Variants in UBE2Q2 observed in about 807,000 individuals in gnomAD.
UBE2Q2 encodes the protein ubiquitin-conjugating enzyme E2 Q2.
In UBE2Q2, 54 loss-of-function variants were observed where a neutral mutation model predicts 59.9. That is an observed-to-expected ratio of 0.90 (90% confidence interval 0.72 to 1.13). The LOEUF (loss-of-function observed/expected upper bound fraction) is 1.13, where lower values mean the gene tolerates loss of function less well. Among genes scored for constraint, UBE2Q2 ranks in the 50% most tolerant of loss-of-function variants. The pLI, the probability that UBE2Q2 is intolerant of heterozygous loss-of-function variation, is 0.00. For missense variants in UBE2Q2, 433 were observed against 441.9 expected (o/e 0.98, Z 0.18); for synonymous variants, 165 against 155.2 (o/e 1.06, Z -0.47).
chr15:75,848,701 A>G (rs1896486571), intron 1 of UBE2Q2, among the ~76,000 whole-genome samples: 1 of 151,926 alleles, frequency 6.6e-6, no homozygotes, highest in Admixed American at 6.6e-5. Context: ...TTAGACCTGG[A>G]AAAGGGTAGT....
intron 3 of UBE2Q2, among the ~76,000 whole-genome samples, chr15:75,863,390 A>G (rs1295646187): frequency 6.6e-6 from 1 of 151,874 alleles, no homozygotes; most frequent in East Asian, 1.9e-4. Context: ...GACAAAGAGC[A>G]GATGGGAGAA....
intron 2 of UBE2Q2, among the ~76,000 whole-genome samples, chr15:75,857,184 G>A (rs1335695134): frequency 6.6e-6 from 1 of 152,174 alleles, no homozygotes; most frequent in African/African-American, 2.4e-5. Context: ...AAAATTAAAA[G>A]CTAGATGGAC....
chr15:75,879,785 TAGG>T (rs899077716), intron 8 of UBE2Q2, among the ~76,000 whole-genome samples: 6 of 151,860 alleles, frequency 4.0e-5, no homozygotes, highest in African/African-American at 7.3e-5. Flanking sequence ...AAAGGCTTCT[TAGG>T]GGGGCAAAAA....
intron 1 of UBE2Q2, among the ~76,000 whole-genome samples, chr15:75,845,529 T>TG (rs1247849928): frequency 6.6e-6 from 1 of 152,162 alleles, no homozygotes; most frequent in Non-Finnish European, 1.5e-5. Context: ...CTGGTTTGAA[T>TG]GATAGGAGAC....
At chr15:75,854,927 GA>G (rs1896824078) in intron 2 of UBE2Q2, among the ~76,000 whole-genome samples, 1 of 148,852 alleles carries the variant, frequency 6.7e-6, no homozygotes, top group Admixed American at 6.8e-5. Context: ...AGTATATAAA[GA>G]AATATAACTT....
chr15:75,889,622 C>G (rs1039336656), intron 9 of UBE2Q2, among the ~76,000 whole-genome samples: 1 of 152,180 alleles, frequency 6.6e-6, no homozygotes, highest in Admixed American at 6.5e-5. Context: ...GAGGACAGAA[C>G]AATTTGTGGT....
At chr15:75,893,652 A>G (rs934938136) in intron 11 of UBE2Q2, among the ~76,000 whole-genome samples, 1 of 152,220 alleles carries the variant, frequency 6.6e-6, no homozygotes, top group East Asian at 1.9e-4. Flanking sequence ...TATATGGACT[A>G]TGGGAGAAAA....
intron 9 of UBE2Q2, among the ~76,000 whole-genome samples, chr15:75,888,783 G>A (rs1382214871): frequency 1.3e-5 from 2 of 152,150 alleles, no homozygotes; most frequent in Non-Finnish European, 2.9e-5. Context: ...TAGTTATTAC[G>A]TACTTGTACA....
intron 5 of UBE2Q2, among the ~76,000 whole-genome samples, chr15:75,874,270 C>G (rs1025608744): frequency 2.7e-5 from 4 of 150,216 alleles, no homozygotes; most frequent in Admixed American, 2.6e-4. Flanking sequence ...TAATTTTTCT[C>G]TTTTGACTTA....
At chr15:75,893,437 A>G (rs1489225092) in intron 11 of UBE2Q2, among the ~76,000 whole-genome samples, 9 of 152,210 alleles carry the variant, frequency 5.9e-5, no homozygotes, top group Admixed American at 5.9e-4. Context: ...AATAGCCTCA[A>G]AATACCCAGG....
chr15:75,874,983 T>C (rs1437343290), intron 5 of UBE2Q2, among the ~76,000 whole-genome samples: 1 of 152,194 alleles, frequency 6.6e-6, no homozygotes, highest in South Asian at 2.1e-4. Context: ...TTAATCTAAT[T>C]TATAATTTTT....
intron 1 of UBE2Q2, among the ~76,000 whole-genome samples, chr15:75,853,465 T>A (rs2141551225): frequency 6.6e-6 from 1 of 151,210 alleles, no homozygotes; most frequent in Non-Finnish European, 1.5e-5. Flanking sequence ...CAAGACTCTG[T>A]CTCGAGGAAA....
chr15:75,886,310 G>A (rs1898765074), intron 9 of UBE2Q2, among the ~76,000 whole-genome samples: 1 of 152,026 alleles, frequency 6.6e-6, no homozygotes, highest in Admixed American at 6.5e-5. Flanking sequence ...AGTAGAGACA[G>A]GGTTTCACCA....
At chr15:75,868,923 G>T (rs1048204657) in intron 3 of UBE2Q2, 28 bp from the exon 4 acceptor site, 7 of 1,610,476 alleles carry the variant, frequency 4.3e-6, no homozygotes, top group Admixed American at 1.7e-5. Flanking sequence ...GTTCTGTATA[G>T]CCCTGGCAGA....
At chr15:75,885,770 T>A (rs537293357) in intron 9 of UBE2Q2, among the ~76,000 whole-genome samples, 24 of 152,158 alleles carry the variant, frequency 1.6e-4, no homozygotes, top group African/African-American at 5.8e-4. Flanking sequence ...AAATCCCAGG[T>A]TGGGTGTGAA....
chr15:75,857,039 T>C (rs1896954962), intron 2 of UBE2Q2, among the ~76,000 whole-genome samples: 2 of 152,178 alleles, frequency 1.3e-5, no homozygotes, highest in Admixed American at 6.5e-5. Flanking sequence ...GGTGGGAGGA[T>C]TGCTTGAGCC....
Position 75,854,492 on chromosome 15 carries a change from G to T in UBE2Q2, c.282+5G>T, listed in dbSNP as rs777031882. 19 of 1,585,092 alleles carry T rather than the reference G, an allele frequency of 1.2e-5. No homozygotes were observed. The highest frequency in any genetic ancestry group is 3.4e-6 in the Non-Finnish European group (4 of 1,159,506). Reference sequence around the variant, plus strand: ...GATACTAAGAACAACAATTTGGTAAGAAAATAAGCCAAGCTATTTTCTCTT... The same window carrying T: ...GATACTAAGAACAACAATTTGGTAATAAAATAAGCCAAGCTATTTTCTCTT... On this transcript the variant is annotated splice_donor_5th_base_variant and intron_variant, in intron 2 of 12. Transcript: ENST00000267938.
At position 75,843,535 on chromosome 15, in the gene UBE2Q2, A is replaced by G; in HGVS notation, c.-132A>G. The G allele has an allele frequency of 2.0e-6, 1 of 510,448 alleles. No homozygotes were observed. The allele number at this position is 510,448 out of a possible 1,614,324, so 31.6% of individuals were successfully genotyped here. A position where few individuals can be genotyped will look rare whatever the true frequency, so the allele number is the denominator to read the frequency against. On this transcript the variant is annotated 5_prime_UTR_variant, in exon 1 of 13. Coordinates refer to ENST00000267938, the MANE Select transcript of UBE2Q2 (RefSeq NM_173469.4). ...CGCCATTTTCCAGCAGCGCTCGACGAGGCGGAGCCGCGAGAGCGCGGCCCA... is the reference window on the plus strand; with the variant it reads ...CGCCATTTTCCAGCAGCGCTCGACGGGGCGGAGCCGCGAGAGCGCGGCCCA...
intron 2 of UBE2Q2, among the ~76,000 whole-genome samples, chr15:75,858,871 A>C (rs1014000396): frequency 1.3e-5 from 2 of 152,130 alleles, no homozygotes; most frequent in Non-Finnish European, 2.9e-5. Context: ...TTACCGTTCA[A>C]CCTTCCTCAT....
Sources: allele counts gnomAD v4.1 joint callset (sites outside exome capture counted in the v4.1 genomes callset), GRCh38; gene constraint gnomAD v4.1.1; transcripts MANE v1.5; gene names NCBI Gene and HGNC (gene_info 2026-07-23, HGNC 2026-07-21).